HPS5: variants seen among roughly 807,000 people sequenced by gnomAD.
HPS5 encodes HPS5 biogenesis of lysosomal organelles complex 2 subunit 2.
In HPS5, 83 loss-of-function variants were observed where a neutral mutation model predicts 128.0. The observed-to-expected ratio is 0.65, with a 90% confidence interval of 0.54 to 0.78. The LOEUF is 0.78. Among genes scored for constraint, HPS5 ranks in the 30% least tolerant of loss-of-function variants. HPS5 has a pLI of 0.00. For synonymous variants in HPS5, 475 were observed against 470.2 expected, an observed-to-expected ratio of 1.01 and a Z score of -0.13; for missense variants, 1,281 against 1,326.2, an observed-to-expected ratio of 0.97 and a Z score of 0.53.
intron 19 of HPS5, among the ~76,000 whole-genome samples, chr11:18,286,029 A>C (rs1859667749): frequency 6.6e-6 from 1 of 152,250 alleles, no homozygotes; most frequent in Non-Finnish European, 1.5e-5. Context: ...GCAGGCGGTC[A>C]GCTGTGCAAA....
intron 16 of HPS5, among the ~76,000 whole-genome samples, chr11:18,289,905 C>T (rs538213223): frequency 5.9e-5 from 9 of 152,280 alleles, no homozygotes; most frequent in South Asian, 2.1e-4. Context: ...TGCGACCTTC[C>T]GCCAAGGTAG....
At chr11:18,296,696 T>A in intron 12 of HPS5, 102 bp downstream of exon 12, 1 of 1,059,104 alleles carries the variant, frequency 9.4e-7, no homozygotes, top group Non-Finnish European at 1.5e-6. Flanking sequence ...TAAAAATTAT[T>A]AACACTTCAG....
chr11:18,286,834 C>T, intron 18 of HPS5, 124 bp from the exon 19 acceptor site: 8 of 1,255,862 alleles, frequency 6.4e-6, no homozygotes, highest in Non-Finnish European at 9.0e-6. Flanking sequence ...CTTGAAAACT[C>T]TTCTGCTACA....
At chr11:18,318,392 C>A (rs1031536278) in intron 1 of HPS5, among the ~76,000 whole-genome samples, 3 of 152,192 alleles carry the variant, frequency 2.0e-5, no homozygotes, top group African/African-American at 7.2e-5. Flanking sequence ...GGCCACTAGA[C>A]TTCTCTCTTC....
chr11:18,302,830 G>C (rs1400691006), intron 8 of HPS5, among the ~76,000 whole-genome samples: 3 of 66,626 alleles, frequency 4.5e-5, no homozygotes, highest in African/African-American at 1.2e-4. Flanking sequence ...AGCGGGGGGG[G>C]GGGGGGTGTC....
chr11:18,310,893 G>A lies in HPS5; in HGVS notation c.325C>T (p.Arg109Cys), dbSNP rs202067617. ...VVVWELNQER[R>C]GKPEQMYVSS... Reference sequence around the variant, plus strand: ...ACATACATTTGTTCCGGTTTCCCACGACGCTCTTGATTTAATTCCCAAACA... The same window carrying A: ...ACATACATTTGTTCCGGTTTCCCACAACGCTCTTGATTTAATTCCCAAACA... The change falls in exon 5 of 23, where the codon CGT (arginine) becomes TGT (cysteine). Residue 109 changes from arginine to cysteine, a missense_variant. Transcript: ENST00000349215. 9.7e-5 allele frequency: 157 copies of A among 1,614,062 alleles called. No individual in the cohort carries two copies. In the Admixed American group the frequency reaches 1.0e-3, roughly 10 times the overall value.
In HPS5 at chr11:18,283,907, A is replaced by AG; in HGVS notation, c.2952-7_2952-6insC. 6.3e-7 allele frequency: 1 copy of AG among 1,597,562 alleles called. No homozygotes were observed. The highest frequency in any genetic ancestry group is 1.3e-5 in the African/African-American group (1 of 74,648). ...TTAGATATCCAGGCCAGAAACTTTAAAGAGACCGAAGTTGAAGAAAGGAAT... is the reference window on the plus strand; with the variant it reads ...TTAGATATCCAGGCCAGAAACTTTAAGAGAGACCGAAGTTGAAGAAAGGAAT... On this transcript the variant is annotated splice_polypyrimidine_tract_variant and splice_region_variant and intron_variant, in intron 20 of 22. Transcript: ENST00000349215.
At chr11:18,280,897 T>C (rs918893858) in intron 22 of HPS5, among the ~76,000 whole-genome samples, 3 of 151,518 alleles carry the variant, frequency 2.0e-5, no homozygotes, top group African/African-American at 7.3e-5. Context: ...AGGAAGTAAG[T>C]TGCTGTTTAA....
intron 1 of HPS5, among the ~76,000 whole-genome samples, chr11:18,320,754 T>C (rs768994243): frequency 1.3e-5 from 2 of 152,182 alleles, no homozygotes; most frequent in Non-Finnish European, 2.9e-5. Context: ...TAATACTCCT[T>C]AAGTAGTTAG....
Position 18,310,870 on chromosome 11 carries a change from A to G in HPS5, c.348T>C (p.Tyr116=), listed in dbSNP as rs777958653. The G allele has an allele frequency of 1.2e-6, 2 of 1,612,700 alleles. No homozygotes were observed. Among genetic ancestry groups the G allele is most frequent in the South Asian group, 2.2e-5 (2 of 91,024 alleles). ...QERRGKPEQM[Y]VSSEHKGRRV... is the part of the protein sequence containing the mutation. Reference sequence around the variant, plus strand: ...TTCGGCCTTTGTGTTCTGAAGACACATACATTTGTTCCGGTTTCCCACGAC... The same window carrying G: ...TTCGGCCTTTGTGTTCTGAAGACACGTACATTTGTTCCGGTTTCCCACGAC... The change falls in exon 5 of 23, where the codon TAT becomes TAC. Residue 116 remains tyrosine (Y), a synonymous_variant. Transcript: ENST00000349215.
rs762067347 is a variant in HPS5 at position 18,305,410 on chromosome 11, G to T, written c.896+12C>A. On this transcript the variant is annotated intron_variant, in intron 8 of 22. Transcript: ENST00000349215. ...TTTTTCCCCCCCAGAACTAAGGAAA[G>T]TAGAAACTTACCTAAGATGTAAGAG... 1.3e-6 allele frequency: 2 copies of T among 1,558,994 alleles called. No individual in the cohort carries two copies. The highest frequency in any genetic ancestry group is 1.8e-6 in the Non-Finnish European group (2 of 1,130,202).
intron 8 of HPS5, among the ~76,000 whole-genome samples, chr11:18,301,410 G>C (rs892182587): frequency 1.4e-5 from 2 of 138,832 alleles, no homozygotes; most frequent in Non-Finnish European, 3.0e-5. Flanking sequence ...CCAAGATTGT[G>C]CCACTGCACT....
At chr11:18,294,982 TCCC>T in intron 14 of HPS5, 35 bp downstream of exon 14, 1 of 1,611,810 alleles carries the variant, frequency 6.2e-7, no homozygotes, top group Non-Finnish European at 8.5e-7. Context: ...ACAGCTGGAT[TCCC>T]TAGAATGTAT....
intron 2 of HPS5, among the ~76,000 whole-genome samples, chr11:18,315,595 G>A (rs1156783980): frequency 6.6e-6 from 1 of 151,380 alleles, no homozygotes; most frequent in Non-Finnish European, 1.5e-5. Flanking sequence ...CCTAGGCAAG[G>A]GAGTGAAACT....
intron 8 of HPS5, 104 bp from the exon 9 acceptor site, chr11:18,301,020 G>A (rs1298006923): frequency 8.1e-6 from 6 of 739,824 alleles, no homozygotes; most frequent in Non-Finnish European, 1.5e-5. Flanking sequence ...AAATCAAACT[G>A]TACAAAGAAA....
At chr11:18,306,071 AT>A in intron 7 of HPS5, 63 bp downstream of exon 7, 1 of 1,159,614 alleles carries the variant, frequency 8.6e-7, no homozygotes, top group Non-Finnish European at 1.3e-6. Context: ...AATATCAGAG[AT>A]TTTCACCGAA....
chr11:18,279,526 AGCC>A lies in HPS5; in HGVS notation c.*353_*355del. On this transcript the variant is annotated 3_prime_UTR_variant, in exon 23 of 23. Transcript: ENST00000349215. ...GAAAAGCTTCTGCTCCCAACATGGA[AGCC>A]ACAGTAAGAAAAGAATCTGTCTAAT... is the stretch of plus-strand genomic sequence containing the variant. The A allele has an allele frequency of 3.8e-6, 1 of 262,200 alleles. No individual in the cohort carries two copies. The highest frequency in any genetic ancestry group is 7.4e-6 in the Non-Finnish European group (1 of 134,792). 16.2% of individuals were successfully genotyped at this position (262,200 alleles called of 1,614,324 possible). A position where few individuals can be genotyped will look rare whatever the true frequency, so the allele number is the denominator to read the frequency against.
intron 1 of HPS5, among the ~76,000 whole-genome samples, chr11:18,319,821 G>A (rs545661493): frequency 2.0e-5 from 3 of 152,246 alleles, no homozygotes; most frequent in South Asian, 4.1e-4. Flanking sequence ...CTCTCTTGAC[G>A]TTATTATTGG....
Position 18,286,724 on chromosome 11 carries a change from G to A in HPS5, c.2718-14C>T. On this transcript the variant is annotated splice_polypyrimidine_tract_variant and intron_variant, in intron 18 of 22. Coordinates refer to ENST00000349215, the MANE Select transcript of HPS5 (RefSeq NM_181507.2). The stretch of plus-strand genomic sequence containing the variant: ...AGAAAAGATGACCTAAGAGAAAGTT[G>A]GGGAAAAAAGTCACCAATCTTCATG... The A allele has an allele frequency of 6.2e-7, 1 of 1,613,390 alleles. No individual in the cohort carries two copies. The highest frequency in any genetic ancestry group is 1.3e-5 in the African/African-American group (1 of 74,934).
Sources: gnomAD v4.1 joint callset for allele counts (sites outside exome capture counted in the v4.1 genomes callset) on GRCh38, gnomAD v4.1.1 for gene constraint, MANE v1.5 for transcripts, NCBI Gene and HGNC (gene_info 2026-07-23, HGNC 2026-07-21) for gene names.